The following APAF1 variants were observed in gnomAD, a reference collection of about 807,000 sequenced individuals.
The protein encoded by APAF1 is apoptotic protease-activating factor 1.
A neutral mutation model predicts 152.4 loss-of-function variants in APAF1; 91 were observed. The observed-to-expected ratio is 0.60, with a 90% confidence interval of 0.50 to 0.71. The LOEUF (loss-of-function observed/expected upper bound fraction) is 0.71. Among genes scored for constraint, APAF1 ranks in the 30% least tolerant of loss-of-function variants. APAF1 has a pLI of 0.00. For synonymous variants in APAF1, 484 were observed against 494.1 expected (o/e 0.98, Z 0.27); for missense variants, 1,283 against 1,472.0 (o/e 0.87, Z 2.10).
chr12:98,726,625 G>C (rs371440544), intron 25 of APAF1: 1 of 153,860 alleles, frequency 6.5e-6, no homozygotes, highest in African/African-American at 2.4e-5. Context: ...GGCTGCTTTG[G>C]AAATGTTCAT....
At chr12:98,705,955 C>T (rs192544640) in intron 18 of APAF1, among the ~76,000 whole-genome samples, 5 of 152,256 alleles carry the variant, frequency 3.3e-5, no homozygotes, top group Admixed American at 6.5e-5. Flanking sequence ...CCCTTCGCCT[C>T]GCTCTCCCTC....
chr12:98,685,369 C>T (rs1348580875), intron 15 of APAF1, among the ~76,000 whole-genome samples: 5 of 148,200 alleles, frequency 3.4e-5, no homozygotes, highest in Admixed American at 1.3e-4. Context: ...TGGCATCTTG[C>T]TCTGTCGCCA....
intron 26 of APAF1, 105 bp from the exon 27 acceptor site, chr12:98,732,315 G>T: frequency 1.0e-6 from 1 of 991,658 alleles, no homozygotes; most frequent in East Asian, 2.4e-5. Context: ...CTGTTTGCTT[G>T]AGTTCGGTTG....
intron 9 of APAF1, 102 bp from the exon 10 acceptor site, chr12:98,667,411 C>T (rs2097674403): frequency 1.0e-5 from 15 of 1,451,068 alleles, no homozygotes; most frequent in Non-Finnish European, 1.2e-5. Flanking sequence ...CCACCGAGCC[C>T]GGCCTCTCTG....
chr12:98,696,014 C>G (rs1593079056), intron 16 of APAF1, among the ~76,000 whole-genome samples: 4 of 152,216 alleles, frequency 2.6e-5, no homozygotes, highest in Admixed American at 2.6e-4. Context: ...GCTGCTGTCT[C>G]TTTCTCCATT....
At chr12:98,711,485 A>G (rs1201827868) in intron 20 of APAF1, among the ~76,000 whole-genome samples, 2 of 152,206 alleles carry the variant, frequency 1.3e-5, no homozygotes, top group Non-Finnish European at 2.9e-5. Flanking sequence ...TATCTAATAG[A>G]TCAAAATGTG....
intron 18 of APAF1, among the ~76,000 whole-genome samples, chr12:98,705,883 T>C (rs1025263784): frequency 3.3e-5 from 5 of 152,232 alleles, no homozygotes; most frequent in African/African-American, 1.2e-4. Flanking sequence ...AATATTTGCA[T>C]GATTCCAAAG....
chr12:98,710,345 G>A (rs1008612651), intron 20 of APAF1, among the ~76,000 whole-genome samples: 30 of 152,262 alleles, frequency 2.0e-4, no homozygotes, highest in African/African-American at 7.2e-4. Context: ...GGTTTTGGCA[G>A]TGATAACATA....
At position 98,727,196 on chromosome 12, in the gene APAF1, G is replaced by C. The variant is rs1389765950; in HGVS notation, c.3480G>C (p.Glu1160Asp). ...AGATATGGAATGTCTCAAACGGTGAGCTTCTTCATTTGTGTGCTCCGCTTT... is the reference window on the plus strand; with the variant it reads ...AGATATGGAATGTCTCAAACGGTGACCTTCTTCATTTGTGTGCTCCGCTTT... ...EIRIWNVSNG[E>D]LLHLCAPLSE... is the part of the protein sequence containing the mutation. Residue 1160 changes from glutamate to aspartate, a missense_variant, in exon 26 of 27, where the codon GAG becomes GAC. Physicochemically the swap from Glu to Asp is conservative, Grantham distance 45. Transcript: ENST00000551964. The C allele has an allele frequency of 6.2e-7, 1 of 1,614,176 alleles. No homozygotes were observed. The highest frequency in any genetic ancestry group is 1.7e-5 in the Admixed American group (1 of 60,024).
chr12:98,655,657 A>C (rs1451542954), intron 4 of APAF1, among the ~76,000 whole-genome samples: 1 of 152,176 alleles, frequency 6.6e-6, no homozygotes, highest in Non-Finnish European at 1.5e-5. Context: ...TTTGTCACCT[A>C]GGCTGGAGTG....
intron 7 of APAF1, among the ~76,000 whole-genome samples, chr12:98,665,255 C>CAT (rs35804742): frequency 0.019 from 1,822 of 97,834 alleles, 62 homozygotes; most frequent in South Asian, 0.053. Context: ...TAGACTGGCG[C>CAT]ATATATATAT....
chr12:98,659,093 C>A, intron 4 of APAF1, 67 bp from the exon 5 acceptor site: 1 of 1,452,246 alleles, frequency 6.9e-7, no homozygotes, highest in Non-Finnish European at 9.7e-7. Flanking sequence ...TGATGCTTAA[C>A]AGTAAAACCA....
At chr12:98,687,824 T>C (rs1480196836) in intron 16 of APAF1, among the ~76,000 whole-genome samples, 2 of 152,166 alleles carry the variant, frequency 1.3e-5, no homozygotes, top group East Asian at 1.9e-4. Flanking sequence ...GTTTTTGTTT[T>C]TGTTTTTGAG....
rs796807068 is a variant in APAF1, at chr12:98,689,474, C to CTG, written c.2304+2622_2304+2623dup. On this transcript the variant is annotated intron_variant, in intron 16 of 26. Transcript: ENST00000551964. ...AGAGAGAGAGAGAGAGTGTGTGTGTCTGTGTGTGTGTGTGTGTGTGTGAGA... is the reference window on the plus strand; with the variant it reads ...AGAGAGAGAGAGAGAGTGTGTGTGTCTGTGTGTGTGTGTGTGTGTGTGTGAGA... 4.3e-3 allele frequency among the ~76,000 whole-genome samples: 571 copies of CTG among 133,528 alleles called. 1 individual carries two copies. Among genetic ancestry groups the CTG allele is most frequent in the African/African-American group, 0.011 (387 of 35,926 alleles). 87.6% of individuals were successfully genotyped at this position (133,528 alleles called of 152,430 possible).
rs377316633 is a variant in APAF1 at position 98,710,373 on chromosome 12, C to T, written c.2841+1669C>T. 2.8e-4 allele frequency among the ~76,000 whole-genome samples: 43 copies of T among 151,964 alleles called. No individual in the cohort carries two copies. The South Asian group carries it at 6.2e-3, about 22-fold the overall frequency. On this transcript the variant is annotated intron_variant, in intron 20 of 26. Coordinates refer to ENST00000551964, the MANE Select transcript of APAF1 (RefSeq NM_181861.2). ...ATAACATAGTCTTATGCCATCTTTT[C>T]GTTTGATTTTTCTTGATTTGCTTAT...
intron 1 of APAF1, among the ~76,000 whole-genome samples, chr12:98,647,464 C>T (rs1236192122): frequency 6.6e-6 from 1 of 151,966 alleles, no homozygotes; most frequent in Non-Finnish European, 1.5e-5. Context: ...CCTCTGCCGC[C>T]CTGGTTCAAG....
Position 98,645,681 on chromosome 12 carries a change from G to A in APAF1, c.-196G>A, listed in dbSNP as rs2097639025. On this transcript the variant is annotated 5_prime_UTR_variant, in exon 1 of 27. Coordinates refer to ENST00000551964, the MANE Select transcript of APAF1 (RefSeq NM_181861.2). ...GGAGGCGCCTGTGAGGCCCGGACCT[G>A]CCCCGGGGCGAAGGGTATGTGGCGA... is the stretch of plus-strand genomic sequence containing the variant. 1 of 152,426 alleles carries A rather than the reference G, an allele frequency of 6.6e-6. No homozygotes were observed. The highest frequency in any genetic ancestry group is 3.4e-3 in the Middle Eastern group (1 of 294). 9.4% of individuals were successfully genotyped at this position (152,426 alleles called of 1,614,324 possible). A position where few individuals can be genotyped will look rare whatever the true frequency, so the allele number is the denominator to read the frequency against.
At chr12:98,659,053 ATG>A in intron 4 of APAF1, 105 bp from the exon 5 acceptor site, 2 of 1,076,116 alleles carry the variant, frequency 1.9e-6, no homozygotes, top group Non-Finnish European at 2.8e-6. Flanking sequence ...GAAGTTGAAG[ATG>A]TGATGGGATT....
chr12:98,699,134 GTAATTT>G (rs1376797106), intron 16 of APAF1, among the ~76,000 whole-genome samples: 1 of 152,108 alleles, frequency 6.6e-6, no homozygotes, highest in East Asian at 1.9e-4. Context: ...CTGTCAACAT[GTAATTT>G]TTAGCTTCCA....
Sources: gnomAD v4.1 joint callset for allele counts (sites outside exome capture counted in the v4.1 genomes callset) on GRCh38, gnomAD v4.1.1 for gene constraint, MANE v1.5 for transcripts, NCBI Gene and HGNC (gene_info 2026-07-23, HGNC 2026-07-21) for gene names.